Variants in CACNA1C observed in about 807,000 individuals in gnomAD.
CACNA1C encodes voltage-dependent L-type calcium channel subunit alpha-1C.
In CACNA1C, 30 loss-of-function variants were observed where a neutral mutation model predicts 229.0. The observed-to-expected ratio is 0.13, with a 90% CI of 0.10 to 0.18. The LOEUF (loss-of-function observed/expected upper bound fraction) is 0.18. Ranked by LOEUF, CACNA1C falls within the 10% of genes least tolerant of loss-of-function variation. The probability of loss-of-function intolerance (pLI) is 1.00; values close to 1 mark genes in which losing one functional copy is unlikely to be tolerated. For missense variants in CACNA1C, 1,658 were observed against 2,845.0 expected (o/e 0.58, Z 9.49); for synonymous variants, 1,114 against 1,132.5 (o/e 0.98, Z 0.33).
intron 1 of CACNA1C, among the ~76,000 whole-genome samples, chr12:2,056,170 A>G (rs60312080): frequency 0.12 from 17,328 of 148,652 alleles, 1,730 homozygotes; most frequent in East Asian, 0.48. Context: ...TTTTCCGTGG[A>G]GTGTGTGCAT....
rs1373007830 is a variant in CACNA1C, at chr12:2,486,668, C to T, written c.916+406C>T. ...TGGTTGGCCATTGGGAGCCCTTTCACGGGGCCGCTTAGCCCTGAGCAACAG... is the reference window on the plus strand; with the variant it reads ...TGGTTGGCCATTGGGAGCCCTTTCATGGGGCCGCTTAGCCCTGAGCAACAG... On this transcript the variant is annotated intron_variant, in intron 6 of 46. Coordinates refer to ENST00000399655, the MANE Select transcript of CACNA1C (RefSeq NM_000719.7). The surrounding 1 kb of genome is among the most constrained non-coding windows in gnomAD (Gnocchi z 4.9). Among the ~76,000 whole-genome samples the T allele has an allele frequency of 6.6e-6, 1 of 152,236 alleles. No individual in the cohort carries two copies. The highest frequency in any genetic ancestry group is 1.9e-4 in the East Asian group (1 of 5,190).
chr12:2,349,674 C>G (rs539526808), intron 3 of CACNA1C, among the ~76,000 whole-genome samples: 2 of 152,178 alleles, frequency 1.3e-5, no homozygotes, highest in Admixed American at 1.3e-4. Context: ...AGTGGTCCCA[C>G]GGATCTGGCT....
At chr12:2,419,647 C>T (rs2154555743) in intron 3 of CACNA1C, among the ~76,000 whole-genome samples, 1 of 152,300 alleles carries the variant, frequency 6.6e-6, no homozygotes, top group Admixed American at 6.5e-5. Context: ...GAGACTTGTC[C>T]ATCTGTGTGT....
intron 3 of CACNA1C, among the ~76,000 whole-genome samples, chr12:2,121,392 A>G (rs1198514301): frequency 6.6e-6 from 1 of 152,136 alleles, no homozygotes; most frequent in Non-Finnish European, 1.5e-5. Flanking sequence ...TGGTTCTTGT[A>G]TTTTGTAACC....
chr12:2,395,033 T>A (rs2154549530), intron 3 of CACNA1C, among the ~76,000 whole-genome samples: 1 of 152,126 alleles, frequency 6.6e-6, no homozygotes, highest in East Asian at 1.9e-4. Flanking sequence ...TTACTTATTT[T>A]AATAGAGACA....
intron 3 of CACNA1C, among the ~76,000 whole-genome samples, chr12:2,156,757 A>G (rs2095574518): frequency 6.6e-6 from 1 of 152,220 alleles, no homozygotes; most frequent in South Asian, 2.1e-4. Flanking sequence ...GCCATCGGGG[A>G]TGAGGGTGGT....
chr12:2,159,163 T>C (rs1219234640), intron 3 of CACNA1C, among the ~76,000 whole-genome samples: 4 of 152,154 alleles, frequency 2.6e-5, no homozygotes, highest in African/African-American at 9.7e-5. Flanking sequence ...GGATTTTTTT[T>C]CTTCAATGAA....
Position 2,486,202 on chromosome 12 carries a change from G to A in CACNA1C, c.856G>A (p.Gly286Ser). The A allele has an allele frequency of 6.2e-7, 1 of 1,613,704 alleles. No individual in the cohort carries two copies. Among genetic ancestry groups the A allele is most frequent in the Non-Finnish European group, 8.5e-7 (1 of 1,179,784 alleles). ...LFVIIIYAII[G>S]LELFMGKMHK... The stretch of plus-strand genomic sequence containing the variant: ...TGTCATCATCATCTACGCCATCATC[G>A]GCTTGGAGCTCTTCATGGGGAAGAT... The change falls in exon 6 of 47, where the codon GGC becomes AGC. Residue 286 changes from glycine (G) to serine (S), a missense_variant. This residue lies in a region of CACNA1C where 84 missense variants were observed against 202.6 expected (regional missense o/e 0.41). Coordinates refer to ENST00000399655, the MANE Select transcript of CACNA1C (RefSeq NM_000719.7). The surrounding 1 kb of genome is among the most constrained non-coding windows in gnomAD (Gnocchi z 4.9).
At chr12:2,563,135 G>T (rs932606568) in intron 11 of CACNA1C, among the ~76,000 whole-genome samples, 2 of 152,118 alleles carry the variant, frequency 1.3e-5, no homozygotes, top group Non-Finnish European at 2.9e-5. Context: ...TGTACAATTT[G>T]TCTTTCTGTG....
At position 2,332,819 on chromosome 12, in the gene CACNA1C, G is replaced by A. The variant is rs566732686; in HGVS notation, c.478-116157G>A. Among the ~76,000 whole-genome samples the A allele has an allele frequency of 5.3e-5, 8 of 152,218 alleles. No individual in the cohort carries two copies. The South Asian group carries it at 6.2e-4, about 12-fold the overall frequency. ...AGAATCTCAATTACATCCAAAATAC[G>A]CATTATAAATCTGGAAGAAAGTAAG... On this transcript the variant is annotated intron_variant, in intron 3 of 46. Transcript: ENST00000399655.
chr12:2,656,646 A>C (rs1273242022), intron 34 of CACNA1C, among the ~76,000 whole-genome samples: 1 of 152,230 alleles, frequency 6.6e-6, no homozygotes, highest in Non-Finnish European at 1.5e-5. Context: ...AAGAAGAACA[A>C]AGCTGGAGGC....
chr12:2,277,604 C>T (rs1403587212), intron 3 of CACNA1C, among the ~76,000 whole-genome samples: 1 of 152,186 alleles, frequency 6.6e-6, no homozygotes, highest in Non-Finnish European at 1.5e-5. Context: ...CAAAGATCTC[C>T]AGGAGGAGGC....
intron 29 of CACNA1C, among the ~76,000 whole-genome samples, chr12:2,622,423 T>G (rs1025066764): frequency 6.6e-6 from 1 of 152,110 alleles, no homozygotes; most frequent in Admixed American, 6.5e-5. Flanking sequence ...CGTCCTCCCA[T>G]ACTGAGCATC....
At chr12:2,235,736 C>G (rs1232364055) in intron 3 of CACNA1C, among the ~76,000 whole-genome samples, 1 of 152,162 alleles carries the variant, frequency 6.6e-6, no homozygotes, top group African/African-American at 2.4e-5. Flanking sequence ...GGACAAAGGT[C>G]TGAATGACTA....
chr12:2,691,154 TGAG>T lies in CACNA1C; in HGVS notation c.6379_6381del (p.Glu2127del). ...GTGTGCGCGCGCGGGGTCGACCGAG[TGAG>T]GAGGAGCTCCAGGACAGCAGGGTCT... On this transcript the variant is annotated inframe_deletion, in exon 47 of 47. Transcript: ENST00000399655. 3.1e-6 allele frequency: 5 copies of T among 1,605,184 alleles called. No individual in the cohort carries two copies. Among genetic ancestry groups the T allele is most frequent in the Non-Finnish European group, 4.3e-6 (5 of 1,174,044 alleles).
intron 3 of CACNA1C, among the ~76,000 whole-genome samples, chr12:2,418,245 C>A (rs1425770801): frequency 6.6e-6 from 1 of 152,168 alleles, no homozygotes; most frequent in Non-Finnish European, 1.5e-5. Flanking sequence ...CACAGTGCTC[C>A]CCACCTCCCA....
intron 9 of CACNA1C, among the ~76,000 whole-genome samples, chr12:2,523,223 G>A (rs1447924440): frequency 6.6e-6 from 1 of 152,116 alleles, no homozygotes; most frequent in African/African-American, 2.4e-5. Flanking sequence ...TGAGAACTCT[G>A]TTTGAAGCAT....
chr12:2,119,102 G>A (rs1366443858), intron 2 of CACNA1C, among the ~76,000 whole-genome samples: 3 of 152,148 alleles, frequency 2.0e-5, no homozygotes, highest in African/African-American at 7.2e-5. Flanking sequence ...CGGGAAATCC[G>A]GGCTCTAGTC....
In CACNA1C at chr12:2,351,472, G is replaced by A. The variant is rs2097200403; in HGVS notation, c.478-97504G>A. 2.0e-5 allele frequency among the ~76,000 whole-genome samples: 3 copies of A among 152,332 alleles called. No individual in the cohort carries two copies. The South Asian group carries it at 6.2e-4, about 32-fold the overall frequency. On this transcript the variant is annotated intron_variant, in intron 3 of 46. Coordinates refer to ENST00000399655, the MANE Select transcript of CACNA1C (RefSeq NM_000719.7). The stretch of plus-strand genomic sequence containing the variant: ...CCCAAGGCCACTTCCTGGCCCTGGA[G>A]GTGGTCTGGTTTCCTCAGTTGCCCT...
Sources: allele counts gnomAD v4.1 joint callset (sites outside exome capture counted in the v4.1 genomes callset), GRCh38; gene constraint gnomAD v4.1.1; regional missense constraint gnomAD v4.1.1; non-coding constraint Gnocchi (gnomAD v3.1); transcripts MANE v1.5; gene names NCBI Gene and HGNC (gene_info 2026-07-23, HGNC 2026-07-21).